The following SAMD4A variants were observed in gnomAD, a reference collection of about 807,000 sequenced individuals.
The protein encoded by SAMD4A is protein Smaug homolog 1.
A neutral mutation model predicts 81.3 loss-of-function variants in SAMD4A; 33 were observed. The observed-to-expected ratio is 0.41, with a 90% confidence interval of 0.31 to 0.54. The LOEUF (loss-of-function observed/expected upper bound fraction) is 0.54. SAMD4A is among the 20% of genes least tolerant of loss of function. The pLI, the probability that SAMD4A is intolerant of heterozygous loss-of-function variation, is 0.37. For missense variants in SAMD4A, 854 were observed against 951.1 expected (o/e 0.90, Z 1.34); for synonymous variants, 389 against 382.1 (o/e 1.02, Z -0.21).
chr14:54,629,400 G>A (rs1951951), intron 2 of SAMD4A, among the ~76,000 whole-genome samples: 103,711 of 152,028 alleles, frequency 0.68, 35,593 homozygotes, highest in East Asian at 0.88. Flanking sequence ...ATCCTAGGAA[G>A]CTAATACAAA....
chr14:54,579,342 C>A (rs1270559390), intron 2 of SAMD4A, among the ~76,000 whole-genome samples: 1 of 152,242 alleles, frequency 6.6e-6, no homozygotes, highest in Non-Finnish European at 1.5e-5. Context: ...CTCCATTTTC[C>A]AGATGAGGAA....
chr14:54,775,608 C>G (rs942399220), intron 10 of SAMD4A, among the ~76,000 whole-genome samples: 1 of 152,110 alleles, frequency 6.6e-6, no homozygotes, highest in East Asian at 1.9e-4. Flanking sequence ...CCCAGAGGTT[C>G]TTGCTGTGCA....
chr14:54,646,159 A>G (rs529960233), intron 2 of SAMD4A, among the ~76,000 whole-genome samples: 251 of 152,340 alleles, frequency 1.6e-3, no homozygotes, highest in African/African-American at 5.7e-3. Flanking sequence ...CAGAGGCCCT[A>G]CTTCCTAGGC....
chr14:54,786,687 C>T (rs1351438810), intron 12 of SAMD4A, among the ~76,000 whole-genome samples: 2 of 152,196 alleles, frequency 1.3e-5, no homozygotes, highest in African/African-American at 4.8e-5. Flanking sequence ...ACATCTCAGA[C>T]AATTGGCATT....
intron 2 of SAMD4A, chr14:54,682,172 A>G (rs1047948352): frequency 4.0e-6 from 2 of 503,850 alleles, no homozygotes; most frequent in East Asian, 1.5e-4. Context: ...CTGTGTGCAC[A>G]GAAGAATCTT....
intron 2 of SAMD4A, among the ~76,000 whole-genome samples, chr14:54,577,206 A>G (rs537622785): frequency 6.6e-6 from 1 of 152,336 alleles, no homozygotes; most frequent in South Asian, 2.1e-4. Context: ...TCCCTTGGCC[A>G]AGTGTTGCCC....
At chr14:54,774,877 C>T in intron 9 of SAMD4A, 57 bp from the exon 10 acceptor site, 2 of 1,547,542 alleles carry the variant, frequency 1.3e-6, no homozygotes, top group Non-Finnish European at 1.8e-6. Flanking sequence ...AAGCCTGTGG[C>T]TTAAAAAGGG....
chr14:54,745,776 C>T (rs2037953519), intron 4 of SAMD4A, among the ~76,000 whole-genome samples: 1 of 152,194 alleles, frequency 6.6e-6, no homozygotes, highest in African/African-American at 2.4e-5. Context: ...CAGTCTCAAA[C>T]TGACCCCAAG....
At chr14:54,759,250 C>T (rs999321766) in intron 6 of SAMD4A, among the ~76,000 whole-genome samples, 1 of 152,194 alleles carries the variant, frequency 6.6e-6, no homozygotes, top group African/African-American at 2.4e-5. Flanking sequence ...CCATCTTAGA[C>T]TAGATTTCAG....
At chr14:54,766,755 A>G (rs1042918860) in intron 8 of SAMD4A, among the ~76,000 whole-genome samples, 1 of 152,186 alleles carries the variant, frequency 6.6e-6, no homozygotes, top group Non-Finnish European at 1.5e-5. Context: ...ATTGGAGGAC[A>G]AGGTACTGTC....
At position 54,737,023 on chromosome 14, in the gene SAMD4A, G is replaced by T. The variant is rs907509339; in HGVS notation, c.716-1G>T. On this transcript the variant is annotated splice_acceptor_variant, in intron 3 of 12. Coordinates refer to ENST00000554335, the MANE Select transcript of SAMD4A (RefSeq NM_015589.6). LOFTEE classifies it high-confidence loss of function. ...CTATTTCATTTTATTTTTTTTTCCA[G>T]TTCTCTCAGGCCAGGCACACCACAG... is the stretch of plus-strand genomic sequence containing the variant. 2 of 1,610,554 alleles carry T rather than the reference G, an allele frequency of 1.2e-6. No individual in the cohort carries two copies. The highest frequency in any genetic ancestry group is 1.7e-6 in the Non-Finnish European group (2 of 1,179,260).
intron 2 of SAMD4A, among the ~76,000 whole-genome samples, chr14:54,607,753 C>T (rs1220244768): frequency 6.6e-6 from 1 of 152,100 alleles, no homozygotes; most frequent in Non-Finnish European, 1.5e-5. Flanking sequence ...CGCGCCCGGC[C>T]TCAAGGTCTT....
At chr14:54,626,902 G>A (rs1311249603) in intron 2 of SAMD4A, among the ~76,000 whole-genome samples, 1 of 152,148 alleles carries the variant, frequency 6.6e-6, no homozygotes, top group African/African-American at 2.4e-5. Flanking sequence ...AGAAGTTCAG[G>A]GAAGTTAAAT....
chr14:54,643,448 T>G (rs995963572), intron 2 of SAMD4A, among the ~76,000 whole-genome samples: 2 of 152,234 alleles, frequency 1.3e-5, no homozygotes, highest in African/African-American at 4.8e-5. Context: ...CATTGGCAAA[T>G]GTCAGTCCTT....
chr14:54,776,648 T>C, intron 11 of SAMD4A, 108 bp downstream of exon 11: 1 of 1,277,374 alleles, frequency 7.8e-7, no homozygotes, highest in Middle Eastern at 2.0e-4. Flanking sequence ...CGTGCATTCT[T>C]TGGAGCTTAT....
chr14:54,591,527 G>GTTTTTTT (rs55702356), intron 2 of SAMD4A, among the ~76,000 whole-genome samples: 2 of 147,120 alleles, frequency 1.4e-5, no homozygotes. Flanking sequence ...CCTGTATTTT[G>GTTTTTTT]TTTTTTTTTT....
intron 6 of SAMD4A, among the ~76,000 whole-genome samples, chr14:54,756,218 C>A (rs1386561260): frequency 1.3e-5 from 2 of 152,170 alleles, no homozygotes; most frequent in Admixed American, 1.3e-4. Context: ...CAGCAAACTT[C>A]CTAAGGTAAT....
chr14:54,580,603 T>C (rs2033436293), intron 2 of SAMD4A, among the ~76,000 whole-genome samples: 1 of 152,200 alleles, frequency 6.6e-6, no homozygotes, highest in South Asian at 2.1e-4. Flanking sequence ...AAACAGTTCC[T>C]TACTGGGTGT....
chr14:54,746,027 C>A (rs2037959995), intron 4 of SAMD4A, among the ~76,000 whole-genome samples: 1 of 152,182 alleles, frequency 6.6e-6, no homozygotes, highest in Non-Finnish European at 1.5e-5. Flanking sequence ...TGAGTCTATC[C>A]CTGGCCAACA....
Sources: allele counts gnomAD v4.1 joint callset (sites outside exome capture counted in the v4.1 genomes callset), GRCh38; gene constraint gnomAD v4.1.1; transcripts MANE v1.5; gene names NCBI Gene and HGNC (gene_info 2026-07-23, HGNC 2026-07-21).